COL21A1: variants seen among roughly 807,000 people sequenced by gnomAD.
COL21A1 encodes the protein collagen alpha-1(XXI) chain.
Under a neutral mutation model 137.9 loss-of-function variants are expected in COL21A1, and 149 were observed. That is an observed-to-expected ratio of 1.08 (90% CI 0.95 to 1.24). The LOEUF is 1.24. Among genes scored for constraint, COL21A1 ranks in the 50% most tolerant of loss-of-function variants. COL21A1 has a pLI of 0.00. For missense variants in COL21A1, 1,167 were observed against 1,158.4 expected (o/e 1.01, Z -0.11); for synonymous variants, 456 against 391.5 (o/e 1.16, Z -1.95).
chr6:56,344,504 T>C (rs1168545768), intron 1 of COL21A1, among the ~76,000 whole-genome samples: 1 of 152,206 alleles, frequency 6.6e-6, no homozygotes, highest in Non-Finnish European at 1.5e-5. Flanking sequence ...TGATAAACAA[T>C]GTATTATCAT....
chr6:56,090,623 C>A (rs9396173), intron 17 of COL21A1, among the ~76,000 whole-genome samples: 83,565 of 151,878 alleles, frequency 0.55, 23,306 homozygotes, highest in East Asian at 0.79. Context: ...AAGCCTATTT[C>A]AAAATGCATT....
At chr6:56,177,447 A>C (rs1777569586) in intron 3 of COL21A1, among the ~76,000 whole-genome samples, 1 of 152,192 alleles carries the variant, frequency 6.6e-6, no homozygotes, top group South Asian at 2.1e-4. Flanking sequence ...TGGCTGTTGT[A>C]ATATAGCAAT....
intron 1 of COL21A1, among the ~76,000 whole-genome samples, chr6:56,230,571 A>G (rs1781498184): frequency 6.6e-6 from 1 of 151,882 alleles, no homozygotes; most frequent in Admixed American, 6.6e-5. Context: ...TGTTATTAAC[A>G]TAAAGTATTG....
intron 1 of COL21A1, among the ~76,000 whole-genome samples, chr6:56,205,653 T>C (rs207466992): frequency 2.0e-5 from 3 of 152,060 alleles, no homozygotes; most frequent in Non-Finnish European, 4.4e-5. Context: ...AGATACTCCT[T>C]GAGAAGAGAA....
intron 2 of COL21A1, 28 bp from the exon 3 acceptor site, chr6:56,180,157 A>G (rs1777791142): frequency 1.3e-6 from 2 of 1,546,506 alleles, no homozygotes; most frequent in African/African-American, 1.4e-5. Flanking sequence ...CCATCATAGC[A>G]CATCTTTTAT....
intron 9 of COL21A1, among the ~76,000 whole-genome samples, chr6:56,162,904 T>C (rs1466509061): frequency 6.6e-6 from 1 of 152,228 alleles, no homozygotes; most frequent in African/African-American, 2.4e-5. Flanking sequence ...ATGATTTGAA[T>C]TAACTCTTCT....
At chr6:56,172,765 G>C (rs72876021) in intron 3 of COL21A1, among the ~76,000 whole-genome samples, 9,894 of 151,936 alleles carry the variant, frequency 0.065, 474 homozygotes, top group Non-Finnish European at 0.1. Flanking sequence ...TGCAATTTGT[G>C]GCATCAGTAA....
intron 1 of COL21A1, among the ~76,000 whole-genome samples, chr6:56,258,565 G>A (rs529848698): frequency 2.0e-5 from 3 of 152,130 alleles, no homozygotes; most frequent in African/African-American, 7.2e-5. Flanking sequence ...TGTCTGCTCT[G>A]CCCCTCTAAC....
At chr6:56,344,303 TTAA>T (rs1765539359) in intron 1 of COL21A1, among the ~76,000 whole-genome samples, 1 of 152,212 alleles carries the variant, frequency 6.6e-6, no homozygotes. Context: ...ATTTCCAGAA[TTAA>T]TGTTTCCAAA....
intron 12 of COL21A1, among the ~76,000 whole-genome samples, chr6:56,137,924 C>T (rs1261346588): frequency 6.6e-6 from 1 of 152,110 alleles, no homozygotes; most frequent in Non-Finnish European, 1.5e-5. Flanking sequence ...AACCTGAGCA[C>T]ACATAAGTCA....
chr6:56,209,391 G>T (rs1780005941), intron 1 of COL21A1, among the ~76,000 whole-genome samples: 1 of 152,084 alleles, frequency 6.6e-6, no homozygotes, highest in African/African-American at 2.4e-5. Flanking sequence ...CTGACAAAGG[G>T]CTAATATCCA....
At chr6:56,193,904 G>A (rs969906265) in intron 1 of COL21A1, among the ~76,000 whole-genome samples, 18 of 152,012 alleles carry the variant, frequency 1.2e-4, no homozygotes, top group Non-Finnish European at 2.1e-4. Flanking sequence ...ACAGGCGTGC[G>A]ACACCATGCC....
At chr6:56,275,077 A>G (rs947528946) in intron 1 of COL21A1, among the ~76,000 whole-genome samples, 5 of 152,168 alleles carry the variant, frequency 3.3e-5, no homozygotes, top group Non-Finnish European at 5.9e-5. Context: ...CAACCATCTG[A>G]TCTTTGTCTA....
At chr6:56,392,094 G>C (rs532299738) in intron 1 of COL21A1, among the ~76,000 whole-genome samples, 1 of 151,676 alleles carries the variant, frequency 6.6e-6, no homozygotes, top group African/African-American at 2.4e-5. Flanking sequence ...GAACATAGAC[G>C]CAACAAAATA....
At chr6:56,141,564 A>G (rs936374046) in intron 12 of COL21A1, among the ~76,000 whole-genome samples, 16 of 152,312 alleles carry the variant, frequency 1.1e-4, no homozygotes, top group African/African-American at 3.8e-4. Context: ...GCATAGGGCA[A>G]TGCCAAAGTC....
rs1045619912 is a variant in COL21A1 at position 56,178,615 on chromosome 6, T to C, written c.640+963A>G. ...ACTTTATATGAATATTACTTTAATA[T>C]GGTACACTAAATGCCTATAATATTA... On this transcript the variant is annotated intron_variant, in intron 3 of 29. Coordinates refer to ENST00000244728, the MANE Select transcript of COL21A1 (RefSeq NM_030820.4). Among the ~76,000 whole-genome samples, 45 of 152,156 alleles carry C rather than the reference T, an allele frequency of 3.0e-4. 1 individual carries two copies. The highest frequency in any genetic ancestry group is 1.1e-3 in the African/African-American group (45 of 41,546).
intron 1 of COL21A1, among the ~76,000 whole-genome samples, chr6:56,343,335 G>C (rs989327310): frequency 2.6e-5 from 4 of 152,298 alleles, no homozygotes; most frequent in African/African-American, 9.6e-5. Context: ...AGGCTTTTCA[G>C]TCTAGTTTCA....
chr6:56,210,561 T>C (rs1262804474), intron 1 of COL21A1, among the ~76,000 whole-genome samples: 2 of 152,192 alleles, frequency 1.3e-5, no homozygotes, highest in Admixed American at 6.6e-5. Flanking sequence ...AGAAAATTTA[T>C]GACAGATGCA....
intron 5 of COL21A1, among the ~76,000 whole-genome samples, chr6:56,169,591 C>G (rs1561941096): frequency 1.3e-5 from 2 of 151,856 alleles, no homozygotes; most frequent in Non-Finnish European, 2.9e-5. Flanking sequence ...AAATAAAAAC[C>G]CTGCATTTTA....
Sources: allele counts gnomAD v4.1 joint callset (sites outside exome capture counted in the v4.1 genomes callset), GRCh38; gene constraint gnomAD v4.1.1; transcripts MANE v1.5; gene names NCBI Gene and HGNC (gene_info 2026-07-23, HGNC 2026-07-21).